NLRP2: variants seen among roughly 807,000 people sequenced by gnomAD.
NLRP2 encodes the protein NACHT, LRR and PYD domains-containing protein 2.
A neutral mutation model predicts 97.2 loss-of-function variants in NLRP2; 107 were observed. The observed-to-expected ratio is 1.10, with a 90% CI of 0.94 to 1.29. The LOEUF (loss-of-function observed/expected upper bound fraction) is 1.29, where lower values mean the gene tolerates loss of function less well. NLRP2 is among the 50% of genes most tolerant of loss of function. The pLI is 0.00. For missense variants in NLRP2, 1,495 were observed against 1,330.3 expected (o/e 1.12, Z -1.93); for synonymous variants, 663 against 551.5 (o/e 1.20, Z -2.83).
intron 9 of NLRP2, 93 bp from the exon 10 acceptor site, chr19:54,990,406 CAAG>C (rs2072391895): frequency 1.5e-6 from 2 of 1,356,724 alleles, no homozygotes; most frequent in South Asian, 2.3e-5. Flanking sequence ...GGGGAGTTCA[CAAG>C]AAGGGGCTTT....
rs111369624 is a variant in NLRP2 at position 54,999,018 on chromosome 19, G to A, written c.3050+1531G>A. ...TTAGTACAGAACAAAATGGGGGGCT[G>A]ACCCCCCCACCTCCCTCCCGGACAG... On this transcript the variant is annotated intron_variant, in intron 12 of 12. Coordinates refer to ENST00000448584, the MANE Select transcript of NLRP2 (RefSeq NM_017852.5). Among the ~76,000 whole-genome samples the A allele has an allele frequency of 2.6e-3, 384 of 149,958 alleles. 4 individuals carry two copies. Among genetic ancestry groups the A allele is most frequent in the African/African-American group, 8.9e-3 (356 of 39,818 alleles).
At position 54,986,231 on chromosome 19, in the gene NLRP2, C is replaced by A; in HGVS notation, c.2282C>A (p.Thr761Asn). Residue 761 changes from threonine (T) to asparagine (N), a missense_variant, in exon 8 of 13, where the codon ACC becomes AAC. Coordinates refer to ENST00000448584, the MANE Select transcript of NLRP2 (RefSeq NM_017852.5). ...LRGHKTVTYL[T>N]LQGNDQDDMF... Reference sequence around the variant, plus strand: ...GGTCACAAGACTGTAACGTATCTGACCCTTCAAGGCAATGACCAGGATGAT... The same window carrying A: ...GGTCACAAGACTGTAACGTATCTGAACCTTCAAGGCAATGACCAGGATGAT... 1.9e-6 allele frequency: 3 copies of A among 1,613,434 alleles called. No individual in the cohort carries two copies. The highest frequency in any genetic ancestry group is 2.5e-6 in the Non-Finnish European group (3 of 1,179,394).
intron 3 of NLRP2, 128 bp from the exon 4 acceptor site, chr19:54,977,624 C>A (rs921809242): frequency 6.9e-6 from 6 of 867,554 alleles, no homozygotes; most frequent in Non-Finnish European, 1.2e-5. Context: ...ACATCCAGTA[C>A]CTTATCAACG....
chr19:54,992,514 TGTGTG>T (rs2072542045), intron 10 of NLRP2, among the ~76,000 whole-genome samples: 1 of 134,276 alleles, frequency 7.4e-6, no homozygotes, highest in Non-Finnish European at 1.6e-5. Flanking sequence ...GTGTGTGTGG[TGTGTG>T]GTGTGTGTGG....
At chr19:54,979,614 G>T (rs1012014570) in intron 4 of NLRP2, among the ~76,000 whole-genome samples, 1 of 152,072 alleles carries the variant, frequency 6.6e-6, no homozygotes, top group African/African-American at 2.4e-5. Context: ...GCCTCCCAAA[G>T]TGCTGGGATT....
chr19:54,983,089 T>C lies in NLRP2; in HGVS notation c.1391T>C (p.Val464Ala). The change falls in exon 6 of 13, where the codon GTG becomes GCG. Residue 464 changes from valine to alanine, a missense_variant. Transcript: ENST00000448584. ...AAQGLWAQTS[V>A]LHREDLERLG... The stretch of plus-strand genomic sequence containing the variant: ...CAGGGCCTGTGGGCGCAGACGTCCG[T>C]GCTTCACCGAGAGGATCTGGAAAGG... 1 of 1,613,094 alleles carries C rather than the reference T, an allele frequency of 6.2e-7. No homozygotes were observed. Among genetic ancestry groups the C allele is most frequent in the Non-Finnish European group, 8.5e-7 (1 of 1,179,878 alleles).
chr19:54,990,475 G>C (rs767558261), intron 9 of NLRP2, 27 bp from the exon 10 acceptor site: 3 of 1,612,884 alleles, frequency 1.9e-6, no homozygotes, highest in South Asian at 2.2e-5. Flanking sequence ...CCTGTCAACC[G>C]TGTTGCCATT....
chr19:54,967,917 A>ATTTTTTTTTTTTT, intron 1 of NLRP2, among the ~76,000 whole-genome samples: 1 of 126,308 alleles, frequency 7.9e-6, no homozygotes, highest in Non-Finnish European at 1.7e-5. Flanking sequence ...TGCTACTGCT[A>ATTTTTTTTTTTTT]TTTTTTTTTT....
At position 54,982,296 on chromosome 19, in the gene NLRP2, G is replaced by A; in HGVS notation, c.598G>A (p.Val200Met). Residue 200 changes from valine to methionine, a missense_variant, in exon 6 of 13, where the codon GTG becomes ATG. By Grantham distance (21) the Val-to-Met change is conservative. Coordinates refer to ENST00000448584, the MANE Select transcript of NLRP2 (RefSeq NM_017852.5). ...GCTGATCCCATTCAGCAACCCCAGG[G>A]TGCTTCCCGGGCCCTTCTCATACAC... is the stretch of plus-strand genomic sequence containing the variant. Reference protein sequence around the residue: ...KMLIPFSNPRVLPGPFSYTVV... With the variant: ...KMLIPFSNPRMLPGPFSYTVV... 6.2e-7 allele frequency: 1 copy of A among 1,614,090 alleles called. No homozygotes were observed.
chr19:54,990,601 C>G lies in NLRP2; in HGVS notation c.2637C>G (p.Pro879=). 6.2e-7 allele frequency: 1 copy of G among 1,614,158 alleles called. No homozygotes were observed. Among genetic ancestry groups the G allele is most frequent in the Non-Finnish European group, 8.5e-7 (1 of 1,180,036 alleles). The part of the protein sequence containing the change: ...ELTHLCLAKN[P]IGNTGVKFLC... ...CACACCTGTGCTTGGCCAAGAACCC[C>G]ATTGGGAATACAGGGGTGAAGTTTC... The change falls in exon 10 of 13, where the codon CCC becomes CCG. Residue 879 remains proline (P), a synonymous_variant. Coordinates refer to ENST00000448584, the MANE Select transcript of NLRP2 (RefSeq NM_017852.5).
chr19:54,993,069 A>G (rs2072591190), intron 10 of NLRP2: 1 of 151,738 alleles, frequency 6.6e-6, no homozygotes, highest in African/African-American at 2.4e-5. Flanking sequence ...AAAATACAAA[A>G]ATTAGCCAGG....
chr19:54,991,406 A>C (rs2072466109), intron 10 of NLRP2: 1 of 152,312 alleles, frequency 6.6e-6, no homozygotes. Flanking sequence ...TACAAAAATT[A>C]GTCACGCATG....
At chr19:54,972,632 A>T (rs1230252422) in intron 2 of NLRP2, among the ~76,000 whole-genome samples, 3 of 151,622 alleles carry the variant, frequency 2.0e-5, no homozygotes, top group Admixed American at 6.6e-5. Flanking sequence ...ATATATATAT[A>T]TTTTTGTAGA....
At chr19:54,976,102 G>A (rs1213217065) in intron 3 of NLRP2, among the ~76,000 whole-genome samples, 2 of 151,606 alleles carry the variant, frequency 1.3e-5, no homozygotes, top group African/African-American at 2.4e-5. Context: ...AGGATGGAAT[G>A]CAGTGGCATG....
chr19:54,993,998 G>T (rs1602427492), intron 10 of NLRP2: 1 of 549,468 alleles, frequency 1.8e-6, no homozygotes, highest in South Asian at 2.0e-5. Flanking sequence ...CCCTGTGATT[G>T]CTGGACCTAC....
intron 6 of NLRP2, among the ~76,000 whole-genome samples, chr19:54,984,609 A>G (rs2071926001): frequency 6.7e-6 from 1 of 148,584 alleles, no homozygotes; most frequent in Admixed American, 6.8e-5. Flanking sequence ...CAGCCTCATG[A>G]GTAGCTGGGA....
At chr19:54,998,103 C>T (rs2072942626) in intron 12 of NLRP2, among the ~76,000 whole-genome samples, 1 of 150,536 alleles carries the variant, frequency 6.6e-6, no homozygotes, top group Non-Finnish European at 1.5e-5. Flanking sequence ...ACTGCAACCT[C>T]CACCTCCCAG....
At chr19:54,975,757 A>T (rs2071193643) in intron 3 of NLRP2, among the ~76,000 whole-genome samples, 1 of 148,774 alleles carries the variant, frequency 6.7e-6, no homozygotes, top group Admixed American at 6.7e-5. Context: ...CGGCCCCTGA[A>T]GATTGTGTTT....
At chr19:54,985,366 G>A in intron 7 of NLRP2, 149 bp downstream of exon 7, 3 of 796,776 alleles carry the variant, frequency 3.8e-6, no homozygotes, top group South Asian at 1.6e-5. Flanking sequence ...AATTTATTTT[G>A]TGGGATAATC....
Sources: allele counts gnomAD v4.1 joint callset (sites outside exome capture counted in the v4.1 genomes callset), GRCh38; gene constraint gnomAD v4.1.1; transcripts MANE v1.5; gene names NCBI Gene and HGNC (gene_info 2026-07-23, HGNC 2026-07-21).